Variants in CYTH3 observed in about 807,000 individuals in gnomAD.
The protein encoded by CYTH3 is cytohesin 3, also known as cytohesin-3.
In CYTH3, 23 loss-of-function variants were observed where a neutral mutation model predicts 55.1. The ratio of observed to expected loss-of-function variants is 0.42; its 90% CI spans 0.30 to 0.59. The LOEUF (loss-of-function observed/expected upper bound fraction) is 0.59. Among genes scored for constraint, CYTH3 ranks in the 20% least tolerant of loss-of-function variants. CYTH3 has a pLI of 0.20. For missense variants in CYTH3, 413 were observed against 524.8 expected (o/e 0.79, Z 2.08); for synonymous variants, 249 against 194.9 (o/e 1.28, Z -2.31).
chr7:6,179,921 C>CCACACACA (rs746252535), intron 4 of CYTH3, among the ~76,000 whole-genome samples: 15 of 141,852 alleles, frequency 1.1e-4, no homozygotes, highest in South Asian at 6.7e-4. Flanking sequence ...CACACACAAA[C>CCACACACA]CACACACACA....
chr7:6,267,426 A>T, intron 1 of CYTH3, among the ~76,000 whole-genome samples: 1 of 152,236 alleles, frequency 6.6e-6, no homozygotes, highest in East Asian at 1.9e-4. Flanking sequence ...CACTTTTTAA[A>T]CTCTCAAAAA....
intron 1 of CYTH3, among the ~76,000 whole-genome samples, chr7:6,267,671 G>A (rs957036222): frequency 2.0e-5 from 3 of 152,210 alleles, no homozygotes; most frequent in South Asian, 2.1e-4. Flanking sequence ...CTACAGGTGC[G>A]CATCACTATG....
At chr7:6,227,849 G>C (rs532009247) in intron 1 of CYTH3, among the ~76,000 whole-genome samples, 3 of 152,268 alleles carry the variant, frequency 2.0e-5, no homozygotes, top group South Asian at 4.1e-4. Context: ...CAGTGAATGT[G>C]AACAAGTAAC....
In CYTH3 at chr7:6,219,868, A is replaced by G. The variant is rs116407086; in HGVS notation, c.35-29337T>C. ...ATCAGAATAGCTGGAACAATTTTGA[A>G]AAAAAGACAAATTGGAGGAATTATT... On this transcript the variant is annotated intron_variant, in intron 1 of 12. Transcript: ENST00000350796. Among the ~76,000 whole-genome samples the G allele has an allele frequency of 6.2e-3, 937 of 152,310 alleles. 7 individuals carry two copies. Among genetic ancestry groups the G allele is most frequent in the African/African-American group, 0.021 (888 of 41,574 alleles).
chr7:6,259,795 ATAT>A (rs1308772268), intron 1 of CYTH3, among the ~76,000 whole-genome samples: 4 of 14,628 alleles, frequency 2.7e-4, no homozygotes, highest in African/African-American at 1.2e-3. Context: ...ATATATATAT[ATAT>A]ATATATATAT....
chr7:6,259,781 TATAATATATATATATA>T (rs1780265780), intron 1 of CYTH3, among the ~76,000 whole-genome samples: 1 of 19,122 alleles, frequency 5.2e-5, no homozygotes, highest in Non-Finnish European at 6.7e-5. Context: ...ATTATATATA[TATAATATATATATATA>T]TATATATATA....
At chr7:6,205,683 C>T (rs748573866) in intron 1 of CYTH3, among the ~76,000 whole-genome samples, 2 of 151,832 alleles carry the variant, frequency 1.3e-5, no homozygotes, top group Non-Finnish European at 2.9e-5. Flanking sequence ...GCTACCACAG[C>T]GTGGGCAATA....
At chr7:6,239,336 T>C (rs1312372465) in intron 1 of CYTH3, among the ~76,000 whole-genome samples, 1 of 152,096 alleles carries the variant, frequency 6.6e-6, no homozygotes, top group Non-Finnish European at 1.5e-5. Context: ...CACTGCCCCG[T>C]CTCCATCCCC....
At chr7:6,238,652 G>A (rs1320864649) in intron 1 of CYTH3, among the ~76,000 whole-genome samples, 1 of 152,164 alleles carries the variant, frequency 6.6e-6, no homozygotes. Flanking sequence ...CAAACCTATA[G>A]AATGTACCAT....
At chr7:6,207,951 G>C (rs372318775) in intron 1 of CYTH3, among the ~76,000 whole-genome samples, 2 of 151,962 alleles carry the variant, frequency 1.3e-5, no homozygotes, top group African/African-American at 2.4e-5. Flanking sequence ...CCCTGTCTTG[G>C]GGGGGTGGGG....
At chr7:6,259,958 G>A (rs1226679842) in intron 1 of CYTH3, among the ~76,000 whole-genome samples, 2 of 145,646 alleles carry the variant, frequency 1.4e-5, no homozygotes, top group Non-Finnish European at 3.0e-5. Context: ...AGCCTCCTAA[G>A]TAGCTGGGAT....
intron 1 of CYTH3, among the ~76,000 whole-genome samples, chr7:6,198,141 C>T (rs542666274): frequency 2.2e-5 from 3 of 135,204 alleles, no homozygotes; most frequent in African/African-American, 5.0e-5. Flanking sequence ...TATTAAGTGG[C>T]TAGTAACATC....
chr7:6,232,543 G>A (rs779289227), intron 1 of CYTH3, among the ~76,000 whole-genome samples: 1 of 152,014 alleles, frequency 6.6e-6, no homozygotes, highest in African/African-American at 2.4e-5. Flanking sequence ...CTGGCCAATC[G>A]CAGAAGCCCA....
intron 1 of CYTH3, among the ~76,000 whole-genome samples, chr7:6,260,165 T>C (rs1281001768): frequency 6.6e-6 from 1 of 151,884 alleles, no homozygotes; most frequent in Admixed American, 6.6e-5. Context: ...TTAGGGTACT[T>C]TGACAAAACC....
chr7:6,245,194 G>A (rs1002671044), intron 1 of CYTH3, among the ~76,000 whole-genome samples: 7 of 151,884 alleles, frequency 4.6e-5, no homozygotes, highest in South Asian at 2.1e-4. Context: ...AATGCAGGGG[G>A]AAAGTGTAAG....
Position 6,171,161 on chromosome 7 carries a change from C to G in CYTH3, c.562+41G>C, listed in dbSNP as rs201017732. On this transcript the variant is annotated intron_variant, in intron 7 of 12. Coordinates refer to ENST00000350796, the MANE Select transcript of CYTH3 (RefSeq NM_004227.4). This position sits in a 1 kb window ranked among gnomAD's most constrained non-coding sequence, Gnocchi z 6.7. ...GGGCCGCCCCCTCCAGAGCTGGAGG[C>G]TGTGCCTGGCAAGGGGCCAGGCTGT... is the stretch of plus-strand genomic sequence containing the variant. The G allele has an allele frequency of 8.3e-5, 133 of 1,608,556 alleles. 1 individual carries two copies. In the East Asian group the frequency reaches 2.4e-3, roughly 29 times the overall value.
intron 2 of CYTH3, 122 bp downstream of exon 2, chr7:6,190,327 T>G (rs1159808631): frequency 2.1e-5 from 18 of 841,278 alleles, no homozygotes; most frequent in Non-Finnish European, 3.2e-5. Context: ...CTTTTTTTTT[T>G]GTTATTTTTT....
chr7:6,190,500 TTC>T lies in CYTH3; in HGVS notation c.64_65del (p.Glu22ArgfsTer14), dbSNP rs1464236439. On this transcript the variant is annotated frameshift_variant, in exon 2 of 13. Coordinates refer to ENST00000350796, the MANE Select transcript of CYTH3 (RefSeq NM_004227.4). LOFTEE classifies it high-confidence loss of function. ...VPEDLSLEER[E>X]ELLDIRRRKK... ...TTCTTCGACGAATGTCTAGAAGTTC[TTC>T]TCTCTCTTCTAATGAGAGGTCTTCA... is the stretch of plus-strand genomic sequence containing the variant. The T allele has an allele frequency of 6.5e-7, 1 of 1,527,028 alleles. No individual in the cohort carries two copies. The highest frequency in any genetic ancestry group is 2.4e-5 in the East Asian group (1 of 41,114). 94.6% of individuals were successfully genotyped at this position (1,527,028 alleles called of 1,614,324 possible). A position where few individuals can be genotyped will look rare whatever the true frequency, so the allele number is the denominator to read the frequency against.
At chr7:6,272,443 C>A (rs1583214533) in intron 1 of CYTH3, 31 bp downstream of exon 1, 1 of 1,336,522 alleles carries the variant, frequency 7.5e-7, no homozygotes. Flanking sequence ...CCCCAGGCCG[C>A]CGGCGAGCCC....
Sources: allele counts gnomAD v4.1 joint callset (sites outside exome capture counted in the v4.1 genomes callset), GRCh38; gene constraint gnomAD v4.1.1; non-coding constraint Gnocchi (gnomAD v3.1); transcripts MANE v1.5; gene names NCBI Gene and HGNC (gene_info 2026-07-23, HGNC 2026-07-21).